SDE2: variants seen among roughly 807,000 people sequenced by gnomAD.
The protein encoded by SDE2 is spliceosome associated SDE2.
SDE2 carries 31 observed loss-of-function variants against 46.9 expected under a neutral mutation model. That is an observed-to-expected ratio of 0.66 (90% CI 0.50 to 0.89). SDE2 has a LOEUF of 0.89. Among genes scored for constraint, SDE2 ranks in the 40% least tolerant of loss-of-function variants. The probability of loss-of-function intolerance (pLI) is 0.00; values close to 1 mark genes in which losing one functional copy is unlikely to be tolerated. For synonymous variants in SDE2, 205 were observed against 204.3 expected (o/e 1.00, Z -0.03); for missense variants, 542 against 564.4 (o/e 0.96, Z 0.40).
At chr1:225,998,362 T>C (rs767320553) in intron 1 of SDE2, among the ~76,000 whole-genome samples, 2 of 152,160 alleles carry the variant, frequency 1.3e-5, no homozygotes, top group Non-Finnish European at 2.9e-5. Context: ...GACTGCAGTG[T>C]TAACATTTGT....
rs1458030994 is a variant in SDE2, at chr1:225,985,183, G to C, written c.*119C>G. The C allele has an allele frequency of 2.8e-6, 2 of 714,046 alleles. No homozygotes were observed. The highest frequency in any genetic ancestry group is 4.8e-6 in the Non-Finnish European group (2 of 414,892). The allele number at this position is 714,046 out of a possible 1,614,324, so 44.2% of individuals were successfully genotyped here. A position where few individuals can be genotyped will look rare whatever the true frequency, so the allele number is the denominator to read the frequency against. On this transcript the variant is annotated 3_prime_UTR_variant, in exon 7 of 7. Coordinates refer to ENST00000272091, the MANE Select transcript of SDE2 (RefSeq NM_152608.4). ...CTGACAAGGAAAAAGGGGATAGTTA[G>C]AATTGGGTTACTAAAAAGTTAGCTT... is the stretch of plus-strand genomic sequence containing the variant.
chr1:225,994,356 G>A (rs1319852293), intron 2 of SDE2, among the ~76,000 whole-genome samples: 4 of 152,156 alleles, frequency 2.6e-5, no homozygotes, highest in Non-Finnish European at 5.9e-5. Context: ...GATTACAGGC[G>A]TGAGCCACCG....
In SDE2 at chr1:225,992,504, C is replaced by T. The variant is rs1011222648; in HGVS notation, c.414G>A (p.Glu138=). 1.2e-6 allele frequency: 2 copies of T among 1,613,014 alleles called. No individual in the cohort carries two copies. The highest frequency in any genetic ancestry group is 2.7e-5 in the African/African-American group (2 of 75,066). ...REAEKEQKRL[E]RLQRKLVEPK... ...GTTCTACAAGCTTCCGCTGCAGTCG[C>T]TCCAGCCGCTTCTGCTCCTTTTCAG... Residue 138 remains glutamate, a synonymous_variant, in exon 4 of 7, where the codon GAG becomes GAA. Transcript: ENST00000272091.
intron 2 of SDE2, 115 bp from the exon 3 acceptor site, chr1:225,993,117 T>TTC: frequency 4.6e-6 from 2 of 437,700 alleles, no homozygotes; most frequent in African/African-American, 2.1e-5. Flanking sequence ...CTTTCTTTCT[T>TTC]TTTTTTTTTT....
intron 2 of SDE2, among the ~76,000 whole-genome samples, chr1:225,994,025 T>G (rs117602234): frequency 0.015 from 2,199 of 151,436 alleles, 85 homozygotes; most frequent in East Asian, 0.12. Flanking sequence ...CACCTTGGAC[T>G]CTCAAAGTGT....
rs369536346 is a variant in SDE2, at chr1:225,991,257, C to T, written c.627G>A (p.Lys209=). ...GAAACACTTACCAGAAGCATCTCCT[C>T]TTTCCCGCACTGGCTCCTCTGTCTG... ...SQTDRGASAG[K]RRCFWLGMEG... is the part of the protein sequence containing the mutation. Residue 209 remains lysine, a synonymous_variant, in exon 5 of 7, where the codon AAG becomes AAA. Coordinates refer to ENST00000272091, the MANE Select transcript of SDE2 (RefSeq NM_152608.4). The T allele has an allele frequency of 4.6e-5, 74 of 1,613,836 alleles. No individual in the cohort carries two copies. In the African/African-American group the frequency reaches 9.7e-4, roughly 21 times the overall value.
chr1:225,987,576 T>A (rs114894044), intron 6 of SDE2, among the ~76,000 whole-genome samples: 1 of 152,236 alleles, frequency 6.6e-6, no homozygotes, highest in East Asian at 1.9e-4. Flanking sequence ...CATTCATGTA[T>A]TACTAAGAAT....
At chr1:225,998,399 A>G (rs1399613692) in intron 1 of SDE2, among the ~76,000 whole-genome samples, 2 of 152,204 alleles carry the variant, frequency 1.3e-5, no homozygotes, top group Non-Finnish European at 2.9e-5. Flanking sequence ...AAGCAGAGGA[A>G]ATAGCCGAGG....
At chr1:225,992,730 A>C (rs928335243) in intron 3 of SDE2, among the ~76,000 whole-genome samples, 161 bp downstream of exon 3, 5 of 152,224 alleles carry the variant, frequency 3.3e-5, no homozygotes, top group African/African-American at 7.2e-5. Flanking sequence ...ACTTAATCCC[A>C]AAGATGATTA....
chr1:225,999,248 C>T lies in SDE2; in HGVS notation c.65G>A (p.Cys22Tyr). 1 of 1,613,484 alleles carries T rather than the reference C, an allele frequency of 6.2e-7. No individual in the cohort carries two copies. The highest frequency in any genetic ancestry group is 8.5e-7 in the Non-Finnish European group (1 of 1,179,830). The change falls in exon 1 of 7, where the codon TGT (cysteine) becomes TAT (tyrosine). Residue 22 changes from cysteine (C) to tyrosine (Y), a missense_variant. Around this residue, in one of 3 missense-constraint regions of SDE2, gnomAD observed 135 missense variants for 106.5 expected, o/e 1.27. Transcript: ENST00000272091. ...GPGFGCKAVR[C>Y]ASGRCTVRDF... ...CCGGACGGTGCACCGACCCGAGGCA[C>T]ACCGCACCGCCTTGCACCCGAAGCC...
chr1:225,995,805 G>C (rs1479264853), intron 1 of SDE2, among the ~76,000 whole-genome samples: 1 of 152,172 alleles, frequency 6.6e-6, no homozygotes, highest in Non-Finnish European at 1.5e-5. Flanking sequence ...ATAAGAAGTA[G>C]AGAAGGAAGG....
chr1:225,996,633 C>A (rs1201379615), intron 1 of SDE2, among the ~76,000 whole-genome samples: 1 of 152,174 alleles, frequency 6.6e-6, no homozygotes, highest in Non-Finnish European at 1.5e-5. Flanking sequence ...CAGCCTAAGG[C>A]TATCAGAGAT....
chr1:225,992,460 C>T lies in SDE2; in HGVS notation c.458G>A (p.Ser153Asn). The T allele has an allele frequency of 6.2e-7, 1 of 1,613,628 alleles. No individual in the cohort carries two copies. The highest frequency in any genetic ancestry group is 1.1e-5 in the South Asian group (1 of 91,078). Residue 153 changes from serine (S) to asparagine (N), a missense_variant, in exon 4 of 7, where the codon AGC becomes AAC. Physicochemically the swap from Ser to Asn is conservative, Grantham distance 46 (BLOSUM62 1). Coordinates refer to ENST00000272091, the MANE Select transcript of SDE2 (RefSeq NM_152608.4). ...ATGGCACTGCTGCTGGTAGTCGGGG[C>T]TGGTGAAGCAGTGCTTGGGTTCTAC... is the stretch of plus-strand genomic sequence containing the variant. ...KLVEPKHCFT[S>N]PDYQQQCHEM...
intron 1 of SDE2, among the ~76,000 whole-genome samples, chr1:225,998,271 G>T (rs1262216029): frequency 6.6e-6 from 1 of 152,210 alleles, no homozygotes; most frequent in East Asian, 1.9e-4. Context: ...AGGAAAACAT[G>T]GAAAGTGAAA....
At chr1:225,998,501 A>G (rs1445653323) in intron 1 of SDE2, among the ~76,000 whole-genome samples, 2 of 152,230 alleles carry the variant, frequency 1.3e-5, no homozygotes, top group Admixed American at 1.3e-4. Flanking sequence ...TCTTTTGACA[A>G]CTGAACAGGT....
intron 5 of SDE2, among the ~76,000 whole-genome samples, chr1:225,989,293 C>CAAAAA (rs58512006): frequency 7.7e-6 from 1 of 130,320 alleles, no homozygotes; most frequent in Non-Finnish European, 1.6e-5. Flanking sequence ...AAGACTGTCT[C>CAAAAA]AAAAAAAAAA....
rs1576171607 is a variant in SDE2, at chr1:225,982,999, A to G, written c.*2303T>C. 8 of 152,280 alleles carry G rather than the reference A, an allele frequency of 5.3e-5. 1 individual carries two copies. Among genetic ancestry groups the G allele is most frequent in the Admixed American group, 5.2e-4 (8 of 15,290 alleles). 9.4% of individuals were successfully genotyped at this position (152,280 alleles called of 1,614,324 possible). A position where few individuals can be genotyped will look rare whatever the true frequency, so the allele number is the denominator to read the frequency against. On this transcript the variant is annotated 3_prime_UTR_variant, in exon 7 of 7. Transcript: ENST00000272091. ...AAAAAATTATTAAAACAGTATAGCT[A>G]AAGAGCCAATAAATTAAAATACAAT...
At chr1:225,994,905 A>T (rs1032306213) in intron 2 of SDE2, among the ~76,000 whole-genome samples, 1 of 152,168 alleles carries the variant, frequency 6.6e-6, no homozygotes, top group South Asian at 2.1e-4. Context: ...TTAGCTGCGC[A>T]TGGTGGCATG....
intron 6 of SDE2, among the ~76,000 whole-genome samples, chr1:225,987,397 A>C (rs1656291895): frequency 1.3e-5 from 2 of 152,130 alleles, no homozygotes; most frequent in Non-Finnish European, 2.9e-5. Flanking sequence ...CTTAAGATTT[A>C]ATGATAAATT....
Sources: allele counts gnomAD v4.1 joint callset (sites outside exome capture counted in the v4.1 genomes callset), GRCh38; gene constraint gnomAD v4.1.1; regional missense constraint gnomAD v4.1.1; transcripts MANE v1.5; gene names NCBI Gene and HGNC (gene_info 2026-07-23, HGNC 2026-07-21).